TMEM59: variants seen among roughly 807,000 people sequenced by gnomAD.
The protein encoded by TMEM59 is dendritic cell factor 1.
TMEM59 carries 44 observed loss-of-function variants against 42.2 expected under a neutral mutation model. That is an observed-to-expected ratio of 1.04 (90% CI 0.82 to 1.34). TMEM59 has a LOEUF of 1.34. Ranked by LOEUF, TMEM59 falls within the 40% of genes most tolerant of loss-of-function variation. The pLI is 0.00. For missense variants in TMEM59, 359 were observed against 382.8 expected (o/e 0.94, Z 0.52); for synonymous variants, 148 against 145.8 (o/e 1.02, Z -0.11).
intron 4 of TMEM59, among the ~76,000 whole-genome samples, chr1:54,043,054 T>C (rs1657198143): frequency 6.6e-6 from 1 of 152,234 alleles, no homozygotes; most frequent in South Asian, 2.1e-4. Flanking sequence ...ATGGCCACTA[T>C]TTATGTTCGA....
intron 7 of TMEM59, among the ~76,000 whole-genome samples, chr1:54,032,917 T>A (rs1368482025): frequency 6.7e-6 from 1 of 150,214 alleles, no homozygotes; most frequent in African/African-American, 2.5e-5. Flanking sequence ...TATGAATGTC[T>A]CTGTCTCTTT....
chr1:54,037,014 G>C (rs1266953902), intron 6 of TMEM59, among the ~76,000 whole-genome samples: 1 of 152,158 alleles, frequency 6.6e-6, no homozygotes, highest in Non-Finnish European at 1.5e-5. Flanking sequence ...TAAGGCAAGT[G>C]AAAGTGTCCT....
At position 54,032,147 on chromosome 1, in the gene TMEM59, T is replaced by C. The variant is rs1249810497; in HGVS notation, c.*3A>G. On this transcript the variant is annotated 3_prime_UTR_variant, in exon 8 of 8. Transcript: ENST00000234831. ...TTACACTTGTCTTTTAAAAGAAAAA[T>C]GCTTAAATTTCAGAATGAGCAAGAT... 1 of 1,603,936 alleles carries C rather than the reference T, an allele frequency of 6.2e-7. No individual in the cohort carries two copies. Among genetic ancestry groups the C allele is most frequent in the African/African-American group, 1.3e-5 (1 of 74,282 alleles).
intron 7 of TMEM59, among the ~76,000 whole-genome samples, chr1:54,032,890 G>A (rs1265651978): frequency 6.6e-6 from 1 of 151,096 alleles, no homozygotes; most frequent in African/African-American, 2.4e-5. Flanking sequence ...TTGAGAGTAG[G>A]TAGACTTAGA....
chr1:54,047,642 T>G (rs917940277), intron 1 of TMEM59: 1 of 368,268 alleles, frequency 2.7e-6, no homozygotes, highest in Non-Finnish European at 4.9e-6. Flanking sequence ...TTACAATCTG[T>G]GGGGGGGAAA....
Position 54,026,994 on chromosome 1 carries a change from T to C in TMEM59, c.*5156A>G, listed in dbSNP as rs1283064545. On this transcript the variant is annotated 3_prime_UTR_variant, in exon 8 of 8. Transcript: ENST00000234831. ...TAATTTACTCTTAAAATGACAAAAGTAAAATTAAGACAACCTCTAAACCAG... is the reference window on the plus strand; with the variant it reads ...TAATTTACTCTTAAAATGACAAAAGCAAAATTAAGACAACCTCTAAACCAG... 6.6e-6 allele frequency: 1 copy of C among 152,186 alleles called. No individual in the cohort carries two copies. The highest frequency in any genetic ancestry group is 1.5e-5 in the Non-Finnish European group (1 of 68,024). The allele number at this position is 152,186 out of a possible 1,614,324, so 9.4% of individuals were successfully genotyped here.
At chr1:54,047,720 G>A (rs373741659) in intron 1 of TMEM59, 13 of 263,068 alleles carry the variant, frequency 4.9e-5, no homozygotes, top group East Asian at 4.4e-4. Context: ...CAGGGCTTTG[G>A]GAAGCTGAGG....
Position 54,048,171 on chromosome 1 carries a change from C to CTA in TMEM59, c.190-801_190-800dup, listed in dbSNP as rs141743961. 3.8e-3 allele frequency among the ~76,000 whole-genome samples: 572 copies of CTA among 152,260 alleles called. 4 individuals carry two copies. The highest frequency in any genetic ancestry group is 0.013 in the African/African-American group (524 of 41,538). On this transcript the variant is annotated intron_variant, in intron 1 of 7. Coordinates refer to ENST00000234831, the MANE Select transcript of TMEM59 (RefSeq NM_004872.5). ...GGGCCTGATAAAGTAAGGTATACATCTATAAAAATGTTTATATGAAGGGAT... is the reference window on the plus strand; with the variant it reads ...GGGCCTGATAAAGTAAGGTATACATCTATATAAAAATGTTTATATGAAGGGAT...
At position 54,030,189 on chromosome 1, in the gene TMEM59, T is replaced by C. The variant is rs1656721371; in HGVS notation, c.*1961A>G. 6.6e-6 allele frequency: 1 copy of C among 151,772 alleles called. No homozygotes were observed. Among genetic ancestry groups the C allele is most frequent in the African/African-American group, 2.4e-5 (1 of 41,326 alleles). The allele number at this position is 151,772 out of a possible 1,614,324, so 9.4% of individuals were successfully genotyped here. On this transcript the variant is annotated 3_prime_UTR_variant, in exon 8 of 8. Transcript: ENST00000234831. ...ATTCTCATTATATTGCCCAGGATGG[T>C]GTTGAACTCCTGGCCCCAAGTGATC...
intron 1 of TMEM59, among the ~76,000 whole-genome samples, chr1:54,050,484 C>A (rs1309151550): frequency 6.6e-6 from 1 of 151,742 alleles, no homozygotes; most frequent in Non-Finnish European, 1.5e-5. Context: ...CATCTAATTT[C>A]TTACAATACA....
chr1:54,047,600 T>TA, intron 1 of TMEM59: 1 of 437,222 alleles, frequency 2.3e-6, no homozygotes. Context: ...GCCTAGTAGG[T>TA]AAAACCACCA....
At position 54,041,750 on chromosome 1, in the gene TMEM59, C is replaced by A; in HGVS notation, c.599G>T (p.Arg200Ile). 6.2e-7 allele frequency: 1 copy of A among 1,613,688 alleles called. No homozygotes were observed. Among genetic ancestry groups the A allele is most frequent in the Non-Finnish European group, 8.5e-7 (1 of 1,179,774 alleles). ...PHLEQEPTNL[R>I]ESSLSKMSYL... ...GGACATTTTGCTTAGAGATGATTCTCTCAAATTTGTAGGCTCCTGCTCCAA... is the reference window on the plus strand; with the variant it reads ...GGACATTTTGCTTAGAGATGATTCTATCAAATTTGTAGGCTCCTGCTCCAA... Residue 200 changes from arginine (R) to isoleucine (I), a missense_variant, in exon 5 of 8, where the codon AGA becomes ATA. Coordinates refer to ENST00000234831, the MANE Select transcript of TMEM59 (RefSeq NM_004872.5).
Position 54,032,179 on chromosome 1 carries a change from T to G in TMEM59, c.943A>C (p.Lys315Gln). ...ATTTCAGAATGAGCAAGATTCACTT[T>G]TGTAGGTAGAGGCCCTGCTTCTTCA... Reference protein sequence around the residue: ...DHEEAGPLPTKVNLAHSEI With the variant: ...DHEEAGPLPTQVNLAHSEI The change falls in exon 8 of 8, where the codon AAA (lysine) becomes CAA (glutamine). Residue 315 changes from lysine (K) to glutamine (Q), a missense_variant. Lys to Gln is a moderately conservative substitution (Grantham distance 53). Transcript: ENST00000234831. The G allele has an allele frequency of 1.2e-6, 2 of 1,611,550 alleles. No individual in the cohort carries two copies. Among genetic ancestry groups the G allele is most frequent in the Non-Finnish European group, 1.7e-6 (2 of 1,178,832 alleles).
At chr1:54,042,713 T>C (rs564751946) in intron 4 of TMEM59, among the ~76,000 whole-genome samples, 4 of 152,304 alleles carry the variant, frequency 2.6e-5, no homozygotes, top group African/African-American at 9.6e-5. Context: ...TATATGGGCC[T>C]TGGTGCTAAA....
chr1:54,050,822 A>G (rs1275507530), intron 1 of TMEM59, among the ~76,000 whole-genome samples: 1 of 151,770 alleles, frequency 6.6e-6, no homozygotes, highest in African/African-American at 2.4e-5. Flanking sequence ...TCAGCTTCCC[A>G]AAGTGCTGGG....
At chr1:54,047,640 T>G (rs982784611) in intron 1 of TMEM59, 1 of 373,970 alleles carries the variant, frequency 2.7e-6, no homozygotes, top group Non-Finnish European at 4.8e-6. Context: ...GGTTACAATC[T>G]GTGGGGGGGA....
At chr1:54,048,621 T>C (rs1369889672) in intron 1 of TMEM59, 2 of 406,390 alleles carry the variant, frequency 4.9e-6, no homozygotes, top group Admixed American at 3.4e-5. Flanking sequence ...AAAAAAGCTA[T>C]TGCATATGGG....
chr1:54,049,030 T>G (rs376611346), intron 1 of TMEM59, among the ~76,000 whole-genome samples: 1 of 152,230 alleles, frequency 6.6e-6, no homozygotes, highest in Non-Finnish European at 1.5e-5. Flanking sequence ...AAAGGAAGCA[T>G]AAGCTCATTA....
rs1463791280 is a variant in TMEM59 at position 54,043,733 on chromosome 1, CCAAA to C, written c.391-212_391-209del. Reference sequence around the variant, plus strand: ...AAACCAAGGATACTTTAATTTGCCACCAAACACACTTACTAGCTACCTGTCACCT... The same window carrying C: ...AAACCAAGGATACTTTAATTTGCCACCACACTTACTAGCTACCTGTCACCT... On this transcript the variant is annotated intron_variant, in intron 3 of 7. Transcript: ENST00000234831. 2.6e-4 allele frequency: 54 copies of C among 211,042 alleles called. No individual in the cohort carries two copies. The East Asian group carries it at 5.7e-3, about 22-fold the overall frequency. The allele number at this position is 211,042 out of a possible 1,614,324, so 13.1% of individuals were successfully genotyped here.
Sources: allele counts gnomAD v4.1 joint callset (sites outside exome capture counted in the v4.1 genomes callset), GRCh38; gene constraint gnomAD v4.1.1; transcripts MANE v1.5; gene names NCBI Gene and HGNC (gene_info 2026-07-23, HGNC 2026-07-21).